Variants in ZNF608 observed in about 807,000 individuals in gnomAD.
ZNF608 encodes renal carcinoma antigen NY-REN-36.
In ZNF608, 12 loss-of-function variants were observed where a neutral mutation model predicts 109.0. The ratio of observed to expected loss-of-function variants is 0.11; its 90% confidence interval spans 0.07 to 0.18. ZNF608 has a LOEUF of 0.18. Ranked by LOEUF, ZNF608 falls within the 10% of genes least tolerant of loss-of-function variation. The probability of loss-of-function intolerance (pLI) is 1.00; values close to 1 mark genes in which losing one functional copy is unlikely to be tolerated. For synonymous variants in ZNF608, 732 were observed against 717.4 expected, an observed-to-expected ratio of 1.02 and a Z score of -0.33; for missense variants, 1,707 against 1,879.3, an observed-to-expected ratio of 0.91 and a Z score of 1.70.
chr5:124,643,527 C>T lies in ZNF608; in HGVS notation c.4280G>A (p.Arg1427His), dbSNP rs1366639281. ...DLLQQHANQY[R>H]SKSPAPVEKA... is the part of the protein sequence containing the mutation. ...GAGGCTTACAGCAGGAGACTTGCTG[C>T]GGTATTGGTTAGCATGCTGCTGGAG... The change falls in exon 7 of 10, where the codon CGC becomes CAC. Residue 1427 changes from arginine (R) to histidine (H), a missense_variant. Arg to His is a conservative substitution (Grantham distance 29). Around this residue, in one of 7 missense-constraint regions of ZNF608, gnomAD observed 1,073 missense variants for 1,133.5 expected, o/e 0.95. Transcript: ENST00000513986. 38 of 1,613,866 alleles carry T rather than the reference C, an allele frequency of 2.4e-5. No individual in the cohort carries two copies. The highest frequency in any genetic ancestry group is 8.0e-5 in the African/African-American group (6 of 74,916).
chr5:124,711,911 T>C (rs767101702), intron 2 of ZNF608, among the ~76,000 whole-genome samples: 7 of 152,226 alleles, frequency 4.6e-5, no homozygotes, highest in Admixed American at 6.5e-5. Flanking sequence ...GATTCGATTG[T>C]TAATGTGGTA....
chr5:124,639,587 G>C (rs2149779459), intron 8 of ZNF608, among the ~76,000 whole-genome samples: 1 of 152,280 alleles, frequency 6.6e-6, no homozygotes, highest in Non-Finnish European at 1.5e-5. Context: ...TATTTGCCTA[G>C]AATACAATAC....
At position 124,745,037 on chromosome 5, in the gene ZNF608, G is replaced by T; in HGVS notation, c.-48C>A. 1 of 1,538,296 alleles carries T rather than the reference G, an allele frequency of 6.5e-7. No individual in the cohort carries two copies. On this transcript the variant is annotated 5_prime_UTR_variant, in exon 2 of 10. Coordinates refer to ENST00000513986, the MANE Select transcript of ZNF608 (RefSeq NM_020747.3). The stretch of plus-strand genomic sequence containing the variant: ...TAAAAATCCGATGAACTTTTCTTTG[G>T]AGATGAGGGGACATTCGTTTATCTC...
chr5:124,721,461 A>C (rs1753897533), intron 2 of ZNF608, among the ~76,000 whole-genome samples: 2 of 152,222 alleles, frequency 1.3e-5, no homozygotes, highest in Admixed American at 6.5e-5. Flanking sequence ...CAGGGGAAAC[A>C]TGCGCTCACA....
At chr5:124,693,895 G>A (rs1006301167) in intron 3 of ZNF608, among the ~76,000 whole-genome samples, 1 of 146,080 alleles carries the variant, frequency 6.8e-6, no homozygotes. Flanking sequence ...ACTGTCTATT[G>A]TACGCCTATG....
intron 8 of ZNF608, among the ~76,000 whole-genome samples, chr5:124,640,363 T>C (rs1750180493): frequency 6.6e-6 from 1 of 152,184 alleles, no homozygotes; most frequent in Non-Finnish European, 1.5e-5. Flanking sequence ...AGGGCATGAT[T>C]AGTGTCCTTA....
chr5:124,715,274 A>C (rs1396061704), intron 2 of ZNF608, among the ~76,000 whole-genome samples: 2 of 152,318 alleles, frequency 1.3e-5, no homozygotes, highest in East Asian at 3.9e-4. Context: ...AACACACAAA[A>C]AAAAATGATG....
chr5:124,705,417 A>G (rs1251552882), intron 2 of ZNF608, among the ~76,000 whole-genome samples: 1 of 152,166 alleles, frequency 6.6e-6, no homozygotes, highest in African/African-American at 2.4e-5. Context: ...GGGAGTAATA[A>G]TAACAATTAC....
intron 2 of ZNF608, among the ~76,000 whole-genome samples, chr5:124,736,842 A>T: frequency 6.6e-6 from 1 of 151,532 alleles, no homozygotes; most frequent in South Asian, 2.1e-4. Flanking sequence ...TGAGGCATAT[A>T]AAAGAGTCCA....
chr5:124,692,092 A>T (rs1387240244), intron 3 of ZNF608, among the ~76,000 whole-genome samples: 2 of 152,250 alleles, frequency 1.3e-5, no homozygotes, highest in Non-Finnish European at 2.9e-5. Context: ...TTTGAGGGAA[A>T]AAGTATGTCA....
intron 3 of ZNF608, among the ~76,000 whole-genome samples, chr5:124,697,292 G>A (rs1168007597): frequency 1.3e-5 from 2 of 148,842 alleles, no homozygotes; most frequent in Admixed American, 6.7e-5. Flanking sequence ...CATTCATAAA[G>A]GCTAAAAAGC....
intron 2 of ZNF608, among the ~76,000 whole-genome samples, chr5:124,721,613 C>T (rs1416840785): frequency 6.6e-6 from 1 of 151,974 alleles, no homozygotes; most frequent in Non-Finnish European, 1.5e-5. Flanking sequence ...GGCTCAGAGC[C>T]AGTAGCTGTT....
Position 124,687,806 on chromosome 5 carries a change from G to A in ZNF608, c.1162+13208C>T, listed in dbSNP as rs1382366062. 5.3e-5 allele frequency among the ~76,000 whole-genome samples: 8 copies of A among 152,250 alleles called. No individual in the cohort carries two copies. The South Asian group carries it at 6.2e-4, about 12-fold the overall frequency. Reference sequence around the variant, plus strand: ...CAGAAGGGCATATAGGAATGCTTTCGTAGATACTACTTTTAAAAACTACCT... The same window carrying A: ...CAGAAGGGCATATAGGAATGCTTTCATAGATACTACTTTTAAAAACTACCT... On this transcript the variant is annotated intron_variant, in intron 3 of 9. Transcript: ENST00000513986.
chr5:124,661,261 T>C (rs945137040), intron 3 of ZNF608, among the ~76,000 whole-genome samples: 1 of 152,154 alleles, frequency 6.6e-6, no homozygotes, highest in Non-Finnish European at 1.5e-5. Flanking sequence ...ATGCCTGACA[T>C]TTGTCTAAAT....
At chr5:124,696,295 C>T (rs180695168) in intron 3 of ZNF608, among the ~76,000 whole-genome samples, 1 of 152,292 alleles carries the variant, frequency 6.6e-6, no homozygotes, top group Admixed American at 6.5e-5. Context: ...AAAAATGCAT[C>T]AGGTGAAGAA....
At chr5:124,738,307 C>A (rs900791427) in intron 2 of ZNF608, among the ~76,000 whole-genome samples, 3 of 152,168 alleles carry the variant, frequency 2.0e-5, no homozygotes, top group Non-Finnish European at 4.4e-5. Context: ...ATGTTGCTAA[C>A]AAGGATAGCC....
At chr5:124,722,619 A>G (rs886598013) in intron 2 of ZNF608, among the ~76,000 whole-genome samples, 17 of 143,122 alleles carry the variant, frequency 1.2e-4, no homozygotes, top group African/African-American at 2.9e-4. Context: ...ACACACACAC[A>G]CGCAAGAAAT....
intron 5 of ZNF608, among the ~76,000 whole-genome samples, chr5:124,645,662 A>C (rs1750464269): frequency 2.6e-5 from 4 of 152,198 alleles, no homozygotes; most frequent in African/African-American, 4.8e-5. Flanking sequence ...CCATGACAGA[A>C]GGTGCTAGTA....
At chr5:124,690,418 G>A (rs975725930) in intron 3 of ZNF608, among the ~76,000 whole-genome samples, 11 of 152,336 alleles carry the variant, frequency 7.2e-5, no homozygotes, top group African/African-American at 2.2e-4. Flanking sequence ...TGTAACACAT[G>A]TACCACTCTG....
Sources: gnomAD v4.1 joint callset for allele counts (sites outside exome capture counted in the v4.1 genomes callset) on GRCh38, gnomAD v4.1.1 for gene constraint, gnomAD v4.1.1 regional missense constraint, MANE v1.5 for transcripts, NCBI Gene and HGNC (gene_info 2026-07-23, HGNC 2026-07-21) for gene names.